The following OR9Q1 variants were observed in gnomAD, a reference collection of about 807,000 sequenced individuals.
OR9Q1 encodes olfactory receptor family 9 subfamily Q member 1.
For synonymous variants in OR9Q1, 153 were observed against 148.6 expected, an observed-to-expected ratio of 1.03 and a Z score of -0.22; for missense variants, 374 against 378.8, an observed-to-expected ratio of 0.99 and a Z score of 0.11.
chr11:58,114,295 T>A (rs958564604), intron 2 of OR9Q1, among the ~76,000 whole-genome samples: 4 of 152,218 alleles, frequency 2.6e-5, no homozygotes, highest in African/African-American at 9.6e-5. Flanking sequence ...GGTGGTTTTA[T>A]CATTTTGTCT....
intron 2 of OR9Q1, among the ~76,000 whole-genome samples, chr11:58,139,488 G>A (rs1854222829): frequency 6.6e-6 from 1 of 151,594 alleles, no homozygotes; most frequent in Admixed American, 6.6e-5. Flanking sequence ...CTGTGTCTAT[G>A]TGTTCTCATT....
intron 2 of OR9Q1, among the ~76,000 whole-genome samples, chr11:58,104,886 G>C (rs1242883582): frequency 1.3e-5 from 2 of 152,164 alleles, no homozygotes; most frequent in Non-Finnish European, 2.9e-5. Context: ...CTGTCAATTT[G>C]CCTGAGTCAA....
At chr11:58,027,152 C>A (rs949656307) in intron 1 of OR9Q1, among the ~76,000 whole-genome samples, 1 of 152,198 alleles carries the variant, frequency 6.6e-6, no homozygotes, top group African/African-American at 2.4e-5. Flanking sequence ...GGCTTCTGTG[C>A]AGGTGCAATT....
At chr11:58,035,944 G>GTTT (rs1361812943) in intron 1 of OR9Q1, among the ~76,000 whole-genome samples, 16 of 119,756 alleles carry the variant, frequency 1.3e-4, no homozygotes, top group Non-Finnish European at 2.5e-4. Context: ...CACTGGTACT[G>GTTT]GTTTTTTTTT....
At chr11:58,155,444 T>C (rs1854398963) in intron 2 of OR9Q1, among the ~76,000 whole-genome samples, 2 of 152,184 alleles carry the variant, frequency 1.3e-5, no homozygotes, top group Admixed American at 6.6e-5. Flanking sequence ...TGTGGTTTAG[T>C]ACTTACTTTT....
chr11:58,076,103 A>G (rs1234034708), intron 2 of OR9Q1, among the ~76,000 whole-genome samples: 1 of 152,246 alleles, frequency 6.6e-6, no homozygotes, highest in Non-Finnish European at 1.5e-5. Flanking sequence ...TGAAAAGCCT[A>G]AAATGTTTAC....
At position 58,180,051 on chromosome 11, in the gene OR9Q1, G is replaced by A. The variant is rs937784533; in HGVS notation, c.607G>A (p.Ala203Thr). Residue 203 changes from alanine to threonine, a missense_variant, in exon 3 of 3, where the codon GCC becomes ACC. By Grantham distance (58) the Ala-to-Thr change is moderately conservative. Coordinates refer to ENST00000335397, the MANE Select transcript of OR9Q1 (RefSeq NM_001005212.4). ...YTQEVLIIMF[A>T]IFVIPASMVV... Reference sequence around the variant, plus strand: ...TCAAGAAGTGCTGATTATTATGTTTGCCATTTTTGTCATCCCTGCTTCCAT... The same window carrying A: ...TCAAGAAGTGCTGATTATTATGTTTACCATTTTTGTCATCCCTGCTTCCAT... 1 of 1,614,010 alleles carries A rather than the reference G, an allele frequency of 6.2e-7. No individual in the cohort carries two copies. The highest frequency in any genetic ancestry group is 1.3e-5 in the African/African-American group (1 of 74,894).
In OR9Q1 at chr11:58,181,288, C is replaced by T. The variant is rs1181745198; in HGVS notation, c.*911C>T. Reference sequence around the variant, plus strand: ...CTCTCTGTGTTCTGAAAGCTTTTTCCTTCAGGGAGGCAGAACATTGCTGCA... The same window carrying T: ...CTCTCTGTGTTCTGAAAGCTTTTTCTTTCAGGGAGGCAGAACATTGCTGCA... On this transcript the variant is annotated 3_prime_UTR_variant, in exon 3 of 3. Coordinates refer to ENST00000335397, the MANE Select transcript of OR9Q1 (RefSeq NM_001005212.4). The T allele has an allele frequency of 6.0e-6, 1 of 167,030 alleles. No individual in the cohort carries two copies. Among genetic ancestry groups the T allele is most frequent in the Admixed American group, 6.5e-5 (1 of 15,278 alleles). The allele number at this position is 167,030 out of a possible 1,614,324, so 10.3% of individuals were successfully genotyped here. A position where few individuals can be genotyped will look rare whatever the true frequency, so the allele number is the denominator to read the frequency against.
chr11:58,132,090 T>A (rs1854146975), intron 2 of OR9Q1, among the ~76,000 whole-genome samples: 1 of 152,168 alleles, frequency 6.6e-6, no homozygotes, highest in Non-Finnish European at 1.5e-5. Flanking sequence ...CATATAGAAG[T>A]GATATAACTC....
intron 2 of OR9Q1, among the ~76,000 whole-genome samples, chr11:58,170,232 G>T (rs577984339): frequency 2.0e-5 from 3 of 151,012 alleles, no homozygotes; most frequent in Non-Finnish European, 2.9e-5. Context: ...CTCAGGTTTG[G>T]GGGGTACTGG....
chr11:58,033,738 A>G (rs747015654), intron 1 of OR9Q1, among the ~76,000 whole-genome samples: 4 of 152,088 alleles, frequency 2.6e-5, no homozygotes, highest in Admixed American at 1.3e-4. Flanking sequence ...CTGCACATGT[A>G]CCCCCTGAAT....
intron 2 of OR9Q1, among the ~76,000 whole-genome samples, chr11:58,091,352 C>T (rs893777698): frequency 1.3e-5 from 2 of 152,132 alleles, no homozygotes; most frequent in African/African-American, 4.8e-5. Context: ...TCTCTTTGTT[C>T]TCACTGGTCT....
chr11:58,129,285 C>G (rs1854118673), intron 2 of OR9Q1, among the ~76,000 whole-genome samples: 1 of 150,530 alleles, frequency 6.6e-6, no homozygotes, highest in Non-Finnish European at 1.5e-5. Flanking sequence ...AAGTAGAACA[C>G]TAGCACTACC....
At chr11:58,150,333 T>A (rs1412930794) in intron 2 of OR9Q1, among the ~76,000 whole-genome samples, 1 of 152,184 alleles carries the variant, frequency 6.6e-6, no homozygotes, top group East Asian at 1.9e-4. Context: ...GGTAGCTCAC[T>A]CCTATAATCC....
At chr11:58,038,984 ATTAT>A (rs750112470) in intron 1 of OR9Q1, among the ~76,000 whole-genome samples, 1 of 151,694 alleles carries the variant, frequency 6.6e-6, no homozygotes, top group African/African-American at 2.4e-5. Context: ...TTATTTTTAA[ATTAT>A]TTATTTATTT....
At chr11:58,082,944 C>A (rs757266955) in intron 2 of OR9Q1, among the ~76,000 whole-genome samples, 3 of 150,696 alleles carry the variant, frequency 2.0e-5, no homozygotes, top group African/African-American at 4.9e-5. Flanking sequence ...ATCCCTCCCC[C>A]CTTCCCCCAC....
intron 2 of OR9Q1, among the ~76,000 whole-genome samples, chr11:58,056,841 C>T (rs1397261828): frequency 6.6e-6 from 1 of 152,114 alleles, no homozygotes; most frequent in East Asian, 1.9e-4. Flanking sequence ...AGAGCCCCAT[C>T]CCCAAGCCTC....
intron 2 of OR9Q1, chr11:58,078,744 C>G (rs1357424481): frequency 1.3e-5 from 2 of 152,186 alleles, no homozygotes; most frequent in African/African-American, 4.8e-5. Context: ...TGGTTGCCCT[C>G]TAGAAGACCC....
chr11:58,035,472 T>A (rs1853092589), intron 1 of OR9Q1, among the ~76,000 whole-genome samples: 1 of 152,214 alleles, frequency 6.6e-6, no homozygotes, highest in Admixed American at 6.5e-5. Context: ...TCTTTTGAAG[T>A]AAGGCTTAAA....
Sources: gnomAD v4.1 joint callset for allele counts (sites outside exome capture counted in the v4.1 genomes callset) on GRCh38, gnomAD v4.1.1 for gene constraint, MANE v1.5 for transcripts, NCBI Gene and HGNC (gene_info 2026-07-23, HGNC 2026-07-21) for gene names.